The following AIMP1 variants were observed in gnomAD, a reference collection of about 807,000 sequenced individuals.
AIMP1 encodes the protein aminoacyl tRNA synthetase complex interacting multifunctional protein 1, also known as aminoacyl tRNA synthase complex-interacting multifunctional protein 1.
A neutral mutation model predicts 33.1 loss-of-function variants in AIMP1; 24 were observed. The ratio of observed to expected loss-of-function variants is 0.73; its 90% confidence interval spans 0.53 to 1.02. The LOEUF is 1.02. AIMP1 is among the 50% of genes least tolerant of loss of function. The probability of loss-of-function intolerance (pLI) is 0.00; values close to 1 mark genes in which losing one functional copy is unlikely to be tolerated. For missense variants in AIMP1, 367 were observed against 364.8 expected, an observed-to-expected ratio of 1.01 and a Z score of -0.05; for synonymous variants, 120 against 121.5, an observed-to-expected ratio of 0.99 and a Z score of 0.08.
chr4:106,316,369 T>G (rs972539478), upstream of AIMP1: 9 of 608,696 alleles, frequency 1.5e-5, no homozygotes, highest in East Asian at 3.0e-5. Context: ...GGGGGGTCGA[T>G]TGAAAATACT....
chr4:106,347,623 A>G lies in AIMP1; in HGVS notation c.870A>G (p.Gly290=). 1 of 1,613,322 alleles carries G rather than the reference A, an allele frequency of 6.2e-7. No individual in the cohort carries two copies. The highest frequency in any genetic ancestry group is 2.2e-5 in the East Asian group (1 of 44,804). Residue 290 remains glycine, a synonymous_variant, in exon 7 of 7, where the codon GGA becomes GGG. Coordinates refer to ENST00000672341, the MANE Select transcript of AIMP1 (RefSeq NM_001142416.2). The part of the protein sequence containing the change: ...TNDECVATYK[G]VPFEVKGKGV... ...ATGAGTGTGTGGCTACATACAAAGG[A>G]GTTCCCTTTGAGGTGAAAGGGAAGG...
At chr4:106,347,165 G>T (rs1357664388) in intron 6 of AIMP1, among the ~76,000 whole-genome samples, 1 of 152,032 alleles carries the variant, frequency 6.6e-6, no homozygotes, top group East Asian at 1.9e-4. Context: ...TCCAACATTG[G>T]TGATTATAAT....
chr4:106,339,558 A>G (rs892083171), intron 6 of AIMP1, among the ~76,000 whole-genome samples: 1 of 152,230 alleles, frequency 6.6e-6, no homozygotes, highest in Non-Finnish European at 1.5e-5. Context: ...CTGTGAGTCA[A>G]TTAAACCTCT....
intron 1 of AIMP1, among the ~76,000 whole-genome samples, chr4:106,320,787 C>T (rs918793629): frequency 1.3e-5 from 2 of 152,174 alleles, no homozygotes; most frequent in Admixed American, 6.5e-5. Context: ...CCGTCTCCCT[C>T]TGATGCCGAG....
At chr4:106,330,451 G>T (rs1397492519) in intron 4 of AIMP1, among the ~76,000 whole-genome samples, 6 of 152,026 alleles carry the variant, frequency 3.9e-5, no homozygotes, top group South Asian at 2.1e-4. Context: ...TTTTTTTAAA[G>T]CTTGCTAATG....
intron 6 of AIMP1, among the ~76,000 whole-genome samples, chr4:106,342,747 T>A (rs745591252): frequency 1.3e-5 from 2 of 152,186 alleles, no homozygotes; most frequent in Non-Finnish European, 2.9e-5. Context: ...AGTTTTCTTT[T>A]TTCCTTGTGG....
At chr4:106,316,548 A>C (rs1001991896), upstream of AIMP1, 2 of 1,551,422 alleles carry the variant, frequency 1.3e-6, no homozygotes, top group East Asian at 2.4e-5. Flanking sequence ...CTGGACCTAC[A>C]TGCTTCCTGC....
chr4:106,348,130 A>G lies in AIMP1; in HGVS notation c.*438A>G, dbSNP rs116122330. 1.4e-4 allele frequency: 22 copies of G among 159,668 alleles called. No homozygotes were observed. The highest frequency in any genetic ancestry group is 2.6e-4 in the Non-Finnish European group (19 of 72,854). 9.9% of individuals were successfully genotyped at this position (159,668 alleles called of 1,614,324 possible). A position where few individuals can be genotyped will look rare whatever the true frequency, so the allele number is the denominator to read the frequency against. Reference sequence around the variant, plus strand: ...AGGTTGGAAAATGTTTGTCAGACTTATTAACTGGTCATATTATAATAATAC... The same window carrying G: ...AGGTTGGAAAATGTTTGTCAGACTTGTTAACTGGTCATATTATAATAATAC... On this transcript the variant is annotated 3_prime_UTR_variant, in exon 7 of 7. Transcript: ENST00000672341.
chr4:106,333,123 C>T (rs1257461520), intron 5 of AIMP1, among the ~76,000 whole-genome samples: 1 of 151,172 alleles, frequency 6.6e-6, no homozygotes. Flanking sequence ...TTCAACCATT[C>T]CATAGTTGAG....
intron 6 of AIMP1, among the ~76,000 whole-genome samples, chr4:106,346,969 C>T (rs1770326624): frequency 6.6e-6 from 1 of 152,020 alleles, no homozygotes; most frequent in African/African-American, 2.4e-5. Context: ...AAATTTTACT[C>T]GTGGCAGTCA....
chr4:106,340,452 G>A (rs148396691), intron 6 of AIMP1, among the ~76,000 whole-genome samples: 4 of 152,172 alleles, frequency 2.6e-5, no homozygotes, highest in Non-Finnish European at 2.9e-5. Flanking sequence ...CTCCCTCCTA[G>A]TAGTACTCAG....
chr4:106,342,007 C>T (rs1770116000), intron 6 of AIMP1, among the ~76,000 whole-genome samples: 1 of 152,102 alleles, frequency 6.6e-6, no homozygotes, highest in African/African-American at 2.4e-5. Flanking sequence ...AGATCTTTCA[C>T]CTCCTTCATT....
chr4:106,331,958 A>T (rs1769699256), intron 5 of AIMP1, 75 bp downstream of exon 5: 1 of 1,328,942 alleles, frequency 7.5e-7, no homozygotes, highest in Admixed American at 1.7e-5. Context: ...TCTTTCCATT[A>T]TAATTTTGTA....
chr4:106,316,592 CAT>C lies in AIMP1; in HGVS notation c.-27_-26del. ...TCTCGGAACCCGTGGTCCTCCGCTT[CAT>C]GTGAGTGACGTCGTGGCGGGTCACT... On this transcript the variant is annotated splice_region_variant and 5_prime_UTR_variant, in exon 1 of 7. The change abolishes an upstream ATG in the 5' untranslated region. Coordinates refer to ENST00000672341, the MANE Select transcript of AIMP1 (RefSeq NM_001142416.2). The C allele has an allele frequency of 6.4e-7, 1 of 1,551,478 alleles. No homozygotes were observed.
chr4:106,327,512 A>G lies in AIMP1; in HGVS notation c.171A>G (p.Lys57=). Reference sequence around the variant, plus strand: ...GAGTTGAAAATGCTAAACTGAAGAAAGAAATTGAAGAACTGAAACAAGAGC... The same window carrying G: ...GAGTTGAAAATGCTAAACTGAAGAAGGAAATTGAAGAACTGAAACAAGAGC... ...KLRVENAKLK[K]EIEELKQELI... Residue 57 remains lysine, a synonymous_variant, in exon 3 of 7, where the codon AAA becomes AAG. Coordinates refer to ENST00000672341, the MANE Select transcript of AIMP1 (RefSeq NM_001142416.2). 1.9e-6 allele frequency: 3 copies of G among 1,613,088 alleles called. No individual in the cohort carries two copies. The highest frequency in any genetic ancestry group is 1.7e-6 in the Non-Finnish European group (2 of 1,179,378).
At chr4:106,346,424 A>G (rs1311373938) in intron 6 of AIMP1, among the ~76,000 whole-genome samples, 2 of 152,176 alleles carry the variant, frequency 1.3e-5, no homozygotes, top group Non-Finnish European at 2.9e-5. Context: ...TGATCATGTG[A>G]CATTGAGCAA....
In AIMP1 at chr4:106,331,675, A is replaced by G. The variant is rs749923307; in HGVS notation, c.395A>G (p.Glu132Gly). ...KAKEKIEKKG[E>G]KKEKKQQSIA... Reference sequence around the variant, plus strand: ...CCCATTCATAAATACTTTTTAGGAGAGAAGAAGGAGAAAAAACAGCAATCA... The same window carrying G: ...CCCATTCATAAATACTTTTTAGGAGGGAAGAAGGAGAAAAAACAGCAATCA... Residue 132 changes from glutamate (E) to glycine (G), a missense_variant, in exon 5 of 7, where the codon GAG becomes GGG. By Grantham distance (98) the Glu-to-Gly change is moderately conservative. Coordinates refer to ENST00000672341, the MANE Select transcript of AIMP1 (RefSeq NM_001142416.2). The G allele has an allele frequency of 2.5e-6, 4 of 1,613,706 alleles. No homozygotes were observed. The highest frequency in any genetic ancestry group is 2.5e-6 in the Non-Finnish European group (3 of 1,179,802).
Position 106,327,513 on chromosome 4 carries a change from G to C in AIMP1, c.172G>C (p.Glu58Gln). The C allele has an allele frequency of 1.2e-6, 2 of 1,612,934 alleles. No homozygotes were observed. The highest frequency in any genetic ancestry group is 1.1e-5 in the South Asian group (1 of 90,980). ...LRVENAKLKK[E>Q]IEELKQELIQ... ...AGTTGAAAATGCTAAACTGAAGAAA[G>C]AAATTGAAGAACTGAAACAAGAGCT... Residue 58 changes from glutamate to glutamine, a missense_variant, in exon 3 of 7, where the codon GAA becomes CAA. Physicochemically the swap from Glu to Gln is conservative, Grantham distance 29 (BLOSUM62 2). Coordinates refer to ENST00000672341, the MANE Select transcript of AIMP1 (RefSeq NM_001142416.2).
At chr4:106,336,794 G>A in intron 5 of AIMP1, 75 bp from the exon 6 acceptor site, 1 of 1,343,998 alleles carries the variant, frequency 7.4e-7, no homozygotes, top group Non-Finnish European at 1.1e-6. Context: ...CATATTAGGT[G>A]TAGCTTAATG....
Sources: gnomAD v4.1 joint callset for allele counts (sites outside exome capture counted in the v4.1 genomes callset) on GRCh38, gnomAD v4.1.1 for gene constraint, MANE v1.5 for transcripts, NCBI Gene and HGNC (gene_info 2026-07-23, HGNC 2026-07-21) for gene names.